The following SORCS3 variants were observed in gnomAD, a reference collection of about 807,000 sequenced individuals.
The protein encoded by SORCS3 is sortilin related VPS10 domain containing receptor 3, also known as VPS10 domain-containing receptor SorCS3.
In SORCS3, 57 loss-of-function variants were observed where a neutral mutation model predicts 146.3. The observed-to-expected ratio is 0.39, with a 90% CI of 0.31 to 0.49. SORCS3 has a LOEUF of 0.49. Ranked by LOEUF, SORCS3 falls within the 20% of genes least tolerant of loss-of-function variation. The pLI, the probability that SORCS3 is intolerant of heterozygous loss-of-function variation, is 0.92. For missense variants in SORCS3, 1,341 were observed against 1,575.5 expected, an observed-to-expected ratio of 0.85 and a Z score of 2.52; for synonymous variants, 653 against 618.5, an observed-to-expected ratio of 1.06 and a Z score of -0.83.
chr10:105,209,394 C>T (rs776373852), intron 16 of SORCS3, among the ~76,000 whole-genome samples: 4 of 152,144 alleles, frequency 2.6e-5, no homozygotes, highest in Non-Finnish European at 4.4e-5. Context: ...CCACCCGTCT[C>T]GGCCTCCCAA....
chr10:104,696,673 A>ATTATAT (rs2016215466), intron 1 of SORCS3, among the ~76,000 whole-genome samples: 5 of 9,152 alleles, frequency 5.5e-4, no homozygotes, highest in Admixed American at 2.9e-3. Context: ...TATAATATAT[A>ATTATAT]ACATATATAA....
At chr10:105,065,977 AG>A (rs2055520160) in intron 5 of SORCS3, among the ~76,000 whole-genome samples, 1 of 152,238 alleles carries the variant, frequency 6.6e-6, no homozygotes, top group Admixed American at 6.5e-5. Context: ...CCCATGAAGC[AG>A]AATAAAGGTA....
intron 8 of SORCS3, among the ~76,000 whole-genome samples, chr10:105,146,364 AT>A (rs924284097): frequency 1.3e-4 from 20 of 151,648 alleles, no homozygotes; most frequent in East Asian, 3.9e-4. Context: ...CTGTCTTTAA[AT>A]TTTTTTTTAA....
chr10:104,915,751 AG>A, intron 2 of SORCS3, 81 bp from the exon 3 acceptor site: 1 of 1,150,048 alleles, frequency 8.7e-7, no homozygotes, highest in East Asian at 2.3e-5. Flanking sequence ...TGGTCGGTCG[AG>A]GGAGAACCTG....
intron 4 of SORCS3, among the ~76,000 whole-genome samples, chr10:105,024,113 A>G (rs1331660712): frequency 1.3e-5 from 2 of 152,162 alleles, no homozygotes; most frequent in African/African-American, 4.8e-5. Flanking sequence ...TTCTTTGTGC[A>G]ATAATGTTCA....
chr10:104,677,161 A>G (rs1321097199), intron 1 of SORCS3, among the ~76,000 whole-genome samples: 1 of 152,120 alleles, frequency 6.6e-6, no homozygotes, highest in Non-Finnish European at 1.5e-5. Flanking sequence ...GAGAAGTCCA[A>G]CCTTTTGTGG....
chr10:104,691,332 GTTGT>G (rs1589459301), intron 1 of SORCS3, among the ~76,000 whole-genome samples: 2 of 152,240 alleles, frequency 1.3e-5, no homozygotes, highest in African/African-American at 4.8e-5. Context: ...ATTGGAAGAA[GTTGT>G]TTGTGTGGGT....
chr10:104,943,582 A>G (rs750920339), intron 3 of SORCS3, among the ~76,000 whole-genome samples: 3 of 152,246 alleles, frequency 2.0e-5, no homozygotes, highest in Admixed American at 6.5e-5. Context: ...TGGCCTAAGT[A>G]AAGAGAAAAC....
intron 20 of SORCS3, among the ~76,000 whole-genome samples, chr10:105,225,345 G>A (rs780518325): frequency 2.6e-5 from 4 of 151,822 alleles, no homozygotes; most frequent in African/African-American, 4.8e-5. Flanking sequence ...TACCATTTTT[G>A]CTCCATTGTA....
chr10:105,135,810 C>G (rs999781383), intron 7 of SORCS3, among the ~76,000 whole-genome samples: 2 of 152,146 alleles, frequency 1.3e-5, no homozygotes, highest in Admixed American at 1.3e-4. Flanking sequence ...TTTCCAATAC[C>G]TTACTCCTCA....
chr10:104,742,229 C>T (rs184050629), intron 1 of SORCS3, among the ~76,000 whole-genome samples: 3 of 152,272 alleles, frequency 2.0e-5, no homozygotes, highest in Admixed American at 1.3e-4. Context: ...AGGCTGAAAC[C>T]ATCATCTCTT....
intron 1 of SORCS3, among the ~76,000 whole-genome samples, chr10:104,645,442 C>T (rs1036188963): frequency 6.6e-6 from 1 of 152,214 alleles, no homozygotes; most frequent in African/African-American, 2.4e-5. Context: ...CTCCACACCC[C>T]CTCCTTCTTG....
chr10:105,210,458 T>C (rs981197638), intron 16 of SORCS3, among the ~76,000 whole-genome samples: 2 of 152,172 alleles, frequency 1.3e-5, no homozygotes, highest in Non-Finnish European at 2.9e-5. Context: ...AGGAGTCTTC[T>C]GAAACTCCAA....
intron 2 of SORCS3, among the ~76,000 whole-genome samples, chr10:104,858,566 CA>C (rs1305009779): frequency 1.1e-4 from 17 of 151,454 alleles, no homozygotes; most frequent in Non-Finnish European, 1.5e-5. Flanking sequence ...GATAGACTTC[CA>C]GGGGATGAAT....
chr10:105,203,881 C>CGTAA, intron 16 of SORCS3, among the ~76,000 whole-genome samples: 1 of 152,292 alleles, frequency 6.6e-6, no homozygotes, highest in East Asian at 1.9e-4. Context: ...GTTATTCTTA[C>CGTAA]ACCCTAGGGT....
chr10:104,897,072 G>A (rs564356746), intron 2 of SORCS3, among the ~76,000 whole-genome samples: 10 of 152,220 alleles, frequency 6.6e-5, no homozygotes, highest in African/African-American at 2.4e-4. Flanking sequence ...AACTCATTAG[G>A]GGCAGGTCAG....
At chr10:105,113,269 C>G (rs1368504079) in intron 7 of SORCS3, among the ~76,000 whole-genome samples, 3 of 152,170 alleles carry the variant, frequency 2.0e-5, no homozygotes, top group Non-Finnish European at 4.4e-5. Context: ...GATCCAGGCT[C>G]AAATCTTTTC....
intron 1 of SORCS3, among the ~76,000 whole-genome samples, chr10:104,742,763 C>T (rs1018338989): frequency 1.3e-5 from 2 of 152,154 alleles, no homozygotes; most frequent in East Asian, 3.8e-4. Context: ...ACAGTAAGCG[C>T]AGGGAGACTC....
intron 20 of SORCS3, among the ~76,000 whole-genome samples, chr10:105,229,566 T>G (rs1322734508): frequency 6.6e-6 from 1 of 152,236 alleles, no homozygotes; most frequent in Admixed American, 6.5e-5. Context: ...GCACTTTGGC[T>G]TTGATTCTGG....
Sources: allele counts gnomAD v4.1 joint callset (sites outside exome capture counted in the v4.1 genomes callset), GRCh38; gene constraint gnomAD v4.1.1; transcripts MANE v1.5; gene names NCBI Gene and HGNC (gene_info 2026-07-23, HGNC 2026-07-21).